NRG1: variants seen among roughly 807,000 people sequenced by gnomAD.
NRG1 encodes pro-neuregulin-1, membrane-bound isoform.
NRG1 carries 18 observed loss-of-function variants against 63.8 expected under a neutral mutation model. That is an observed-to-expected ratio of 0.28 (90% CI 0.19 to 0.42). The LOEUF (loss-of-function observed/expected upper bound fraction) is 0.42, where lower values mean the gene tolerates loss of function less well. Ranked by LOEUF, NRG1 falls within the 10% of genes least tolerant of loss-of-function variation. The probability of loss-of-function intolerance (pLI) is 1.00; values close to 1 mark genes in which losing one functional copy is unlikely to be tolerated. For synonymous variants in NRG1, 302 were observed against 301.3 expected (o/e 1.00, Z -0.02); for missense variants, 762 against 814.7 (o/e 0.94, Z 0.79).
At chr8:31,976,125 T>G (rs1252017726) in intron 1 of NRG1, among the ~76,000 whole-genome samples, 1 of 152,156 alleles carries the variant, frequency 6.6e-6, no homozygotes, top group Non-Finnish European at 1.5e-5. Context: ...ATGTGTTGCA[T>G]TAATATAGGC....
intron 6 of NRG1, among the ~76,000 whole-genome samples, chr8:32,732,003 T>A (rs1005828585): frequency 1.3e-4 from 20 of 152,202 alleles, no homozygotes; most frequent in African/African-American, 4.8e-4. Flanking sequence ...GTAGAAGATG[T>A]TACAGCAAAT....
chr8:32,339,658 C>G (rs1803798754), intron 1 of NRG1, among the ~76,000 whole-genome samples: 1 of 152,140 alleles, frequency 6.6e-6, no homozygotes, highest in African/African-American at 2.4e-5. Context: ...TCTGTACAAC[C>G]AATTTATGAA....
At chr8:32,521,372 T>C (rs140267771) in intron 1 of NRG1, among the ~76,000 whole-genome samples, 1 of 152,154 alleles carries the variant, frequency 6.6e-6, no homozygotes, top group East Asian at 1.9e-4. Context: ...ATATTTCATT[T>C]TGTAGATGTG....
intron 1 of NRG1, among the ~76,000 whole-genome samples, chr8:32,057,858 C>G (rs1823215746): frequency 6.6e-6 from 1 of 152,206 alleles, no homozygotes; most frequent in Middle Eastern, 3.4e-3. Context: ...ATGAATGACA[C>G]CTTACCCTCA....
chr8:32,362,401 G>A (rs1049632602), intron 1 of NRG1, among the ~76,000 whole-genome samples: 2 of 152,170 alleles, frequency 1.3e-5, no homozygotes, highest in African/African-American at 4.8e-5. Flanking sequence ...CGGAATATGC[G>A]ATGTTGTGGA....
chr8:32,468,133 T>A (rs1191800760), intron 1 of NRG1, among the ~76,000 whole-genome samples: 1 of 152,178 alleles, frequency 6.6e-6, no homozygotes, highest in Non-Finnish European at 1.5e-5. Flanking sequence ...GCATGACAGT[T>A]GTGCACAACC....
intron 1 of NRG1, among the ~76,000 whole-genome samples, chr8:31,814,882 C>T (rs930274359): frequency 6.6e-6 from 1 of 151,812 alleles, no homozygotes; most frequent in Admixed American, 6.6e-5. Context: ...AATGGTGCCC[C>T]CCTGCAAGCC....
At chr8:31,736,877 C>T (rs1440001528) in intron 1 of NRG1, among the ~76,000 whole-genome samples, 1 of 152,132 alleles carries the variant, frequency 6.6e-6, no homozygotes, top group Non-Finnish European at 1.5e-5. Context: ...ACAATTCACC[C>T]TCTCCCACAA....
Position 32,521,408 on chromosome 8 carries a change from A to G in NRG1, c.38-74420A>G, listed in dbSNP as rs558461611. 3.9e-5 allele frequency among the ~76,000 whole-genome samples: 6 copies of G among 152,290 alleles called. No homozygotes were observed. In the South Asian group the frequency reaches 1.2e-3, roughly 32 times the overall value. On this transcript the variant is annotated intron_variant, in intron 1 of 10. Coordinates refer to the NRG1 transcript ENST00000519301. ...AAAATTAAGGTAATCAAGGGTGGAA[A>G]TGCTTATTGGAGATCATGGAACTGG... is the stretch of plus-strand genomic sequence containing the variant.
intron 1 of NRG1, among the ~76,000 whole-genome samples, chr8:32,199,010 T>C (rs1295216935): frequency 6.6e-6 from 1 of 152,152 alleles, no homozygotes; most frequent in Non-Finnish European, 1.5e-5. Context: ...CAAAATATTG[T>C]TCACTGCAGA....
chr8:32,118,340 G>C (rs1322743712), intron 1 of NRG1, among the ~76,000 whole-genome samples: 1 of 151,772 alleles, frequency 6.6e-6, no homozygotes, highest in African/African-American at 2.4e-5. Context: ...GTTAAAAAGA[G>C]CCTGGTTCCT....
chr8:32,081,892 G>A (rs1381872), intron 1 of NRG1, among the ~76,000 whole-genome samples: 149,070 of 152,138 alleles, frequency 0.98, 73,102 homozygotes, highest in East Asian at 1. Context: ...TTCATATCAC[G>A]TTATTTTTAC....
At chr8:32,621,171 C>T (rs1172405979) in intron 5 of NRG1, among the ~76,000 whole-genome samples, 1 of 152,050 alleles carries the variant, frequency 6.6e-6, no homozygotes, top group Non-Finnish European at 1.5e-5. Flanking sequence ...TTGGAAACTT[C>T]CATTGTTCAT....
chr8:32,359,886 A>G (rs934854430), intron 1 of NRG1, among the ~76,000 whole-genome samples: 1 of 152,202 alleles, frequency 6.6e-6, no homozygotes, highest in Admixed American at 6.6e-5. Context: ...CAGAGATTGT[A>G]TGATGACCTG....
chr8:32,281,543 TA>T (rs1852850995), intron 1 of NRG1, among the ~76,000 whole-genome samples: 1 of 152,086 alleles, frequency 6.6e-6, no homozygotes, highest in Non-Finnish European at 1.5e-5. Context: ...CAACAGTGTC[TA>T]TTGTTCCCTT....
intron 1 of NRG1, among the ~76,000 whole-genome samples, chr8:31,904,625 C>G (rs988053665): frequency 3.9e-5 from 6 of 152,128 alleles, no homozygotes; most frequent in African/African-American, 1.4e-4. Context: ...TGGAATCAAC[C>G]TAAATGCTCA....
chr8:32,717,617 CAG>C (rs1819574343), intron 5 of NRG1, among the ~76,000 whole-genome samples: 1 of 152,128 alleles, frequency 6.6e-6, no homozygotes, highest in South Asian at 2.1e-4. Context: ...TTTCTGGCCT[CAG>C]TGAGGAAAAT....
chr8:31,797,701 ATATT>A (rs57573080), intron 1 of NRG1, among the ~76,000 whole-genome samples: 12 of 152,306 alleles, frequency 7.9e-5, no homozygotes, highest in Non-Finnish European at 1.3e-4. Flanking sequence ...GCAGCACTGT[ATATT>A]TATTTATTGC....
chr8:31,711,545 T>G lies in NRG1; in HGVS notation c.37+72114T>G, dbSNP rs536645134. ...TTGTCTACACTGGGTTAGTTTTTCC[T>G]TGCCTCCAGTGTACCTTTCAATATG... On this transcript the variant is annotated intron_variant, in intron 1 of 10. Transcript: ENST00000519301. Among the ~76,000 whole-genome samples, 5 of 152,334 alleles carry G rather than the reference T, an allele frequency of 3.3e-5. No individual in the cohort carries two copies. The East Asian group carries it at 5.8e-4, about 18-fold the overall frequency.
Sources: allele counts gnomAD v4.1 joint callset (sites outside exome capture counted in the v4.1 genomes callset), GRCh38; gene constraint gnomAD v4.1.1; transcripts MANE v1.5; gene names NCBI Gene and HGNC (gene_info 2026-07-23, HGNC 2026-07-21).